The following NRXN3 variants were observed in gnomAD, a reference collection of about 807,000 sequenced individuals.
The protein encoded by NRXN3 is neurexin 3.
In NRXN3, 32 loss-of-function variants were observed where a neutral mutation model predicts 137.6. The ratio of observed to expected loss-of-function variants is 0.23; its 90% confidence interval spans 0.18 to 0.31. The LOEUF (loss-of-function observed/expected upper bound fraction) is 0.31. Ranked by LOEUF, NRXN3 falls within the 10% of genes least tolerant of loss-of-function variation. NRXN3 has a pLI of 1.00. For synonymous variants in NRXN3, 798 were observed against 784.5 expected (o/e 1.02, Z -0.29); for missense variants, 1,574 against 2,062.5 (o/e 0.76, Z 4.59).
At chr14:79,308,264 C>T (rs566741422) in intron 15 of NRXN3, among the ~76,000 whole-genome samples, 1 of 152,194 alleles carries the variant, frequency 6.6e-6, no homozygotes, top group African/African-American at 2.4e-5. Context: ...TTGAGAATTT[C>T]CTTTTACACT....
intron 4 of NRXN3, among the ~76,000 whole-genome samples, chr14:78,633,035 A>T (rs966462672): frequency 1.4e-4 from 22 of 152,044 alleles, no homozygotes; most frequent in Admixed American, 3.3e-4. Flanking sequence ...GGAGATTGAG[A>T]CCATCCTGGC....
chr14:78,383,450 T>C (rs1295891985), intron 4 of NRXN3, among the ~76,000 whole-genome samples: 1 of 152,202 alleles, frequency 6.6e-6, no homozygotes, highest in Non-Finnish European at 1.5e-5. Context: ...TGAATCATTC[T>C]GTTGTTGGCA....
Position 78,243,123 on chromosome 14 carries a change from C to T in NRXN3, c.30C>T (p.Phe10=), listed in dbSNP as rs774529613. The T allele has an allele frequency of 1.3e-6, 2 of 1,538,882 alleles. No homozygotes were observed. Among genetic ancestry groups the T allele is most frequent in the South Asian group, 1.2e-5 (1 of 83,090 alleles). MSSTLHSVF[F]TLKVSILLGS... Reference sequence around the variant, plus strand: ...GCTCCACACTCCACTCGGTTTTCTTCACCCTGAAGGTCAGCATCCTGCTGG... The same window carrying T: ...GCTCCACACTCCACTCGGTTTTCTTTACCCTGAAGGTCAGCATCCTGCTGG... The change falls in exon 2 of 21, where the codon TTC becomes TTT. Residue 10 remains phenylalanine (F), a synonymous_variant. Coordinates refer to ENST00000335750, the MANE Select transcript of NRXN3 (RefSeq NM_001330195.2). This position sits in a 1 kb window ranked among gnomAD's most constrained non-coding sequence, Gnocchi z 4.2.
intron 15 of NRXN3, among the ~76,000 whole-genome samples, chr14:79,188,388 C>T (rs929524690): frequency 1.8e-5 from 2 of 109,528 alleles, no homozygotes; most frequent in East Asian, 3.6e-4. Flanking sequence ...TTGGCTTGTA[C>T]AATACATATT....
chr14:79,305,322 A>C (rs2085863685), intron 15 of NRXN3, among the ~76,000 whole-genome samples: 1 of 151,964 alleles, frequency 6.6e-6, no homozygotes, highest in African/African-American at 2.4e-5. Flanking sequence ...TCCTGTGCAA[A>C]CCTTAATTTT....
At chr14:79,607,625 C>G (rs2098037836) in intron 16 of NRXN3, among the ~76,000 whole-genome samples, 2 of 150,818 alleles carry the variant, frequency 1.3e-5, no homozygotes, top group Admixed American at 6.6e-5. Flanking sequence ...TTTTCAGGAC[C>G]AAAGAGAAAA....
chr14:78,671,996 G>A (rs902958923), intron 6 of NRXN3, among the ~76,000 whole-genome samples: 1 of 152,160 alleles, frequency 6.6e-6, no homozygotes, highest in African/African-American at 2.4e-5. Context: ...TTTCAAAGCA[G>A]CTTGCCATCT....
chr14:78,974,668 T>A (rs2099457313), intron 14 of NRXN3, among the ~76,000 whole-genome samples: 1 of 152,162 alleles, frequency 6.6e-6, no homozygotes, highest in Non-Finnish European at 1.5e-5. Flanking sequence ...TCTCTTTGTT[T>A]GTGGCAGGAG....
At chr14:79,090,069 A>T (rs2048871576) in intron 15 of NRXN3, among the ~76,000 whole-genome samples, 1 of 152,158 alleles carries the variant, frequency 6.6e-6, no homozygotes, top group Admixed American at 6.6e-5. Context: ...GCTAACATGG[A>T]TAGGTATTTA....
intron 15 of NRXN3, among the ~76,000 whole-genome samples, chr14:79,157,868 A>G (rs867859883): frequency 5.5e-4 from 83 of 151,922 alleles, no homozygotes; most frequent in African/African-American, 1.7e-3. Flanking sequence ...TTTATAAGGG[A>G]AAGATATTTG....
intron 10 of NRXN3, among the ~76,000 whole-genome samples, chr14:78,943,956 T>C (rs1027376916): frequency 6.6e-6 from 1 of 151,852 alleles, no homozygotes; most frequent in African/African-American, 2.4e-5. Flanking sequence ...GGATGCTGAC[T>C]GGGGTGTTGA....
At chr14:78,235,918 G>A (rs1308874398) in intron 1 of NRXN3, among the ~76,000 whole-genome samples, 2 of 152,216 alleles carry the variant, frequency 1.3e-5, no homozygotes, top group Non-Finnish European at 2.9e-5. Flanking sequence ...AGGACAGTGA[G>A]CTTCCTATTG....
chr14:79,845,049 T>C (rs2099364178), intron 20 of NRXN3, among the ~76,000 whole-genome samples: 1 of 151,714 alleles, frequency 6.6e-6, no homozygotes, highest in Non-Finnish European at 1.5e-5. Flanking sequence ...GAAGATGGCT[T>C]TTTTTTTTCT....
At chr14:79,061,851 A>T (rs1166071277) in intron 15 of NRXN3, among the ~76,000 whole-genome samples, 1 of 152,268 alleles carries the variant, frequency 6.6e-6, no homozygotes, top group African/African-American at 2.4e-5. Flanking sequence ...CTAACGCAGC[A>T]TGCCTAATGC....
At chr14:79,830,132 G>C (rs2293825) in intron 20 of NRXN3, among the ~76,000 whole-genome samples, 47,061 of 152,188 alleles carry the variant, frequency 0.31, 7,977 homozygotes, top group Admixed American at 0.43. Flanking sequence ...CCTCTGGCAT[G>C]ACTTGTCCAG....
intron 15 of NRXN3, among the ~76,000 whole-genome samples, chr14:79,451,631 C>T (rs929273472): frequency 1.3e-5 from 2 of 152,128 alleles, no homozygotes; most frequent in African/African-American, 2.4e-5. Flanking sequence ...GGCAGGTAGA[C>T]CTTTTGAGCT....
At chr14:79,124,260 C>A (rs761709279) in intron 15 of NRXN3, among the ~76,000 whole-genome samples, 2 of 152,092 alleles carry the variant, frequency 1.3e-5, no homozygotes, top group African/African-American at 4.8e-5. Context: ...GTCTTCATTG[C>A]CTGCTCTCAG....
At chr14:79,770,970 A>G (rs924365241) in intron 19 of NRXN3, among the ~76,000 whole-genome samples, 3 of 152,212 alleles carry the variant, frequency 2.0e-5, no homozygotes, top group African/African-American at 7.2e-5. Context: ...AGAAATACAA[A>G]CTACCATCAG....
chr14:79,003,000 C>T (rs946656283), intron 15 of NRXN3, among the ~76,000 whole-genome samples: 1 of 152,154 alleles, frequency 6.6e-6, no homozygotes, highest in African/African-American at 2.4e-5. Context: ...TGGGGTCTTG[C>T]TCTGTCACCA....
Sources: allele counts gnomAD v4.1 joint callset (sites outside exome capture counted in the v4.1 genomes callset), GRCh38; gene constraint gnomAD v4.1.1; non-coding constraint Gnocchi (gnomAD v3.1); transcripts MANE v1.5; gene names NCBI Gene and HGNC (gene_info 2026-07-23, HGNC 2026-07-21).